Variants in PCDHA1 observed in about 807,000 individuals in gnomAD.
PCDHA1 encodes the protein protocadherin alpha 1.
A neutral mutation model predicts 61.3 loss-of-function variants in PCDHA1; 42 were observed. The ratio of observed to expected loss-of-function variants is 0.69; its 90% confidence interval spans 0.54 to 0.89. The LOEUF (loss-of-function observed/expected upper bound fraction) is 0.89, where lower values mean the gene tolerates loss of function less well. Among genes scored for constraint, PCDHA1 ranks in the 40% least tolerant of loss-of-function variants. The pLI, the probability that PCDHA1 is intolerant of heterozygous loss-of-function variation, is 0.00. For synonymous variants in PCDHA1, 610 were observed against 553.8 expected (o/e 1.10, Z -1.43); for missense variants, 1,256 against 1,235.3 (o/e 1.02, Z -0.25).
In PCDHA1 at chr5:141,011,200, A is replaced by C. The variant is rs1242625146; in HGVS notation, c.*1263A>C. 6.5e-6 allele frequency: 1 copy of C among 153,774 alleles called. No individual in the cohort carries two copies. Among genetic ancestry groups the C allele is most frequent in the Non-Finnish European group, 1.5e-5 (1 of 68,036 alleles). The allele number at this position is 153,774 out of a possible 1,614,324, so 9.5% of individuals were successfully genotyped here. ...AATTGAAGAAAAATATTGTTTTCTCATACAGTGAGCAGATTTTTCAATCTA... is the reference window on the plus strand; with the variant it reads ...AATTGAAGAAAAATATTGTTTTCTCCTACAGTGAGCAGATTTTTCAATCTA... On this transcript the variant is annotated 3_prime_UTR_variant, in exon 4 of 4. Transcript: ENST00000504120.
At chr5:140,796,041 C>G in intron 1 of PCDHA1, 3 of 1,614,244 alleles carry the variant, frequency 1.9e-6, no homozygotes, top group Non-Finnish European at 2.5e-6. Flanking sequence ...CACTTCCCAT[C>G]TCAGAGAACG....
intron 1 of PCDHA1, chr5:140,828,237 C>A (rs2150152822): frequency 1.2e-6 from 2 of 1,613,956 alleles, no homozygotes; most frequent in Admixed American, 3.3e-5. Context: ...GGCCGGATCG[C>A]GCAGGACCTG....
intron 3 of PCDHA1, among the ~76,000 whole-genome samples, chr5:141,007,379 C>G (rs1178671835): frequency 7.1e-6 from 1 of 139,926 alleles, no homozygotes; most frequent in Non-Finnish European, 1.5e-5. Flanking sequence ...GATGGAACAC[C>G]ATCTCTACTA....
chr5:140,814,792 T>C (rs1765590173), intron 1 of PCDHA1: 1 of 152,218 alleles, frequency 6.6e-6, no homozygotes, highest in South Asian at 2.1e-4. Context: ...AACGTTGTTA[T>C]ACAACACTTG....
intron 1 of PCDHA1, among the ~76,000 whole-genome samples, chr5:140,907,844 C>T (rs1402744978): frequency 1.3e-5 from 2 of 152,218 alleles, no homozygotes; most frequent in African/African-American, 4.8e-5. Context: ...TATTAAAATC[C>T]TCCTCTGCTG....
At chr5:140,946,452 T>C (rs2093945325) in intron 1 of PCDHA1, among the ~76,000 whole-genome samples, 1 of 151,436 alleles carries the variant, frequency 6.6e-6, no homozygotes. Flanking sequence ...AAAACAACTA[T>C]CCAGCAATCC....
chr5:140,806,748 T>C (rs1763777641), intron 1 of PCDHA1, among the ~76,000 whole-genome samples: 1 of 152,218 alleles, frequency 6.6e-6, no homozygotes, highest in Admixed American at 6.5e-5. Flanking sequence ...TTACAAAGTG[T>C]ATAGTTAGGT....
chr5:140,877,684 A>C, intron 1 of PCDHA1: 1 of 1,613,768 alleles, frequency 6.2e-7, no homozygotes, highest in East Asian at 2.2e-5. Flanking sequence ...GGGCAAGCCC[A>C]CGCTGGTGTG....
intron 1 of PCDHA1, chr5:140,802,903 G>C: frequency 6.2e-7 from 1 of 1,613,792 alleles, no homozygotes; most frequent in East Asian, 2.2e-5. Flanking sequence ...CTGATGCCTC[G>C]GGTGGGTGGC....
chr5:140,952,496 G>A (rs2094755026), intron 1 of PCDHA1, among the ~76,000 whole-genome samples: 1 of 152,112 alleles, frequency 6.6e-6, no homozygotes, highest in Non-Finnish European at 1.5e-5. Flanking sequence ...CCAGTCCTCA[G>A]TAAGTTCCTC....
chr5:140,829,966 G>A, intron 1 of PCDHA1: 2 of 1,614,002 alleles, frequency 1.2e-6, no homozygotes, highest in Non-Finnish European at 1.7e-6. Flanking sequence ...TTCGCGTGGG[G>A]CTGTACACGG....
chr5:140,971,182 G>A (rs1158073557), intron 1 of PCDHA1, among the ~76,000 whole-genome samples: 7 of 152,110 alleles, frequency 4.6e-5, no homozygotes, highest in Admixed American at 1.3e-4. Flanking sequence ...GCTGTAAGCC[G>A]GAAGCTCAGA....
Position 140,787,438 on chromosome 5 carries a change from G to C in PCDHA1, c.1148G>C (p.Gly383Ala). Reference sequence around the variant, plus strand: ...TCTGACCGTGACTCAGGTGCCAACGGGCAGGTGACTTGCTCCTTAATGCCC... The same window carrying C: ...TCTGACCGTGACTCAGGTGCCAACGCGCAGGTGACTTGCTCCTTAATGCCC... ...TVSDRDSGAN[G>A]QVTCSLMPHV... The change falls in exon 1 of 4, where the codon GGG becomes GCG. Residue 383 changes from glycine to alanine, a missense_variant. Transcript: ENST00000504120. 6.2e-7 allele frequency: 1 copy of C among 1,614,202 alleles called. No individual in the cohort carries two copies. Among genetic ancestry groups the C allele is most frequent in the Non-Finnish European group, 8.5e-7 (1 of 1,180,036 alleles).
In PCDHA1 at chr5:141,010,450, G is replaced by T; in HGVS notation, c.*513G>T. 7.6e-6 allele frequency: 7 copies of T among 920,886 alleles called. No homozygotes were observed. The South Asian group carries it at 1.3e-4, about 17-fold the overall frequency. The allele number at this position is 920,886 out of a possible 1,614,324, so 57.0% of individuals were successfully genotyped here. A position where few individuals can be genotyped will look rare whatever the true frequency, so the allele number is the denominator to read the frequency against. ...AAGAAAACAAAGACAAATAAACAGC[G>T]GAAGTTATCAGTATGGAGGGGAAGT... is the stretch of plus-strand genomic sequence containing the variant. On this transcript the variant is annotated 3_prime_UTR_variant, in exon 4 of 4. Transcript: ENST00000504120.
At chr5:140,938,187 C>T (rs1584944424) in intron 1 of PCDHA1, among the ~76,000 whole-genome samples, 1 of 152,158 alleles carries the variant, frequency 6.6e-6, no homozygotes, top group Admixed American at 6.5e-5. Context: ...CTCAAGCAAT[C>T]CTCCCACGCC....
intron 1 of PCDHA1, chr5:140,883,325 A>C: frequency 6.2e-7 from 1 of 1,614,118 alleles, no homozygotes; most frequent in Non-Finnish European, 8.5e-7. Context: ...GGTTACCATC[A>C]CTTCTTTGTC....
chr5:140,962,061 T>C (rs1554225775), intron 1 of PCDHA1, among the ~76,000 whole-genome samples: 2 of 151,824 alleles, frequency 1.3e-5, no homozygotes, highest in Non-Finnish European at 1.5e-5. Context: ...TTTTTTTGTA[T>C]TTTTTAGTAG....
chr5:140,886,910 T>C (rs1373910489), intron 1 of PCDHA1, among the ~76,000 whole-genome samples: 1 of 152,100 alleles, frequency 6.6e-6, no homozygotes, highest in African/African-American at 2.4e-5. Context: ...TAAATACTTA[T>C]TGAGTGTTCT....
At position 140,786,140 on chromosome 5, in the gene PCDHA1, A is replaced by G; in HGVS notation, c.-151A>G. The G allele has an allele frequency of 1.1e-6, 1 of 931,922 alleles. No individual in the cohort carries two copies. 57.7% of individuals were successfully genotyped at this position (931,922 alleles called of 1,614,324 possible). A position where few individuals can be genotyped will look rare whatever the true frequency, so the allele number is the denominator to read the frequency against. On this transcript the variant is annotated 5_prime_UTR_variant, in exon 1 of 4. Transcript: ENST00000504120. ...AAAGTCTTGTCAATAGAAGGGAGCT[A>G]CTGATCACTAAAAGTGAAGGAGGAA...
Sources: gnomAD v4.1 joint callset for allele counts (sites outside exome capture counted in the v4.1 genomes callset) on GRCh38, gnomAD v4.1.1 for gene constraint, MANE v1.5 for transcripts, NCBI Gene and HGNC (gene_info 2026-07-23, HGNC 2026-07-21) for gene names.